CYP4F3: variants seen among roughly 807,000 people sequenced by gnomAD.
CYP4F3 encodes the protein cytochrome P450 4F3.
CYP4F3 carries 50 observed loss-of-function variants against 54.8 expected under a neutral mutation model. The ratio of observed to expected loss-of-function variants is 0.91; its 90% CI spans 0.73 to 1.16. The LOEUF is 1.16. Ranked by LOEUF, CYP4F3 falls within the 50% of genes most tolerant of loss-of-function variation. The pLI is 0.00. For synonymous variants in CYP4F3, 244 were observed against 262.6 expected, an observed-to-expected ratio of 0.93 and a Z score of 0.69; for missense variants, 715 against 676.2, an observed-to-expected ratio of 1.06 and a Z score of -0.64.
At chr19:15,641,130 C>T (rs1040659445) in intron 1 of CYP4F3, among the ~76,000 whole-genome samples, 185 bp downstream of exon 1, 34 of 152,188 alleles carry the variant, frequency 2.2e-4, no homozygotes, top group Admixed American at 3.9e-4. Flanking sequence ...GAAACCAAGC[C>T]CCTGGCAACG....
chr19:15,652,012 A>T (rs897779972), intron 7 of CYP4F3, among the ~76,000 whole-genome samples: 6 of 152,036 alleles, frequency 3.9e-5, no homozygotes, highest in Non-Finnish European at 1.5e-5. Flanking sequence ...CAGACTTTGT[A>T]CCCTAGGAAA....
At chr19:15,649,107 G>C (rs1972709560) in intron 5 of CYP4F3, 53 bp from the exon 6 acceptor site, 3 of 1,606,678 alleles carry the variant, frequency 1.9e-6, no homozygotes, top group Non-Finnish European at 2.6e-6. Flanking sequence ...GGGTTGGAGA[G>C]CTGCTCAAGG....
rs574486380 is a variant in CYP4F3, at chr19:15,660,409, A to T, written c.*1024A>T. The T allele has an allele frequency of 3.3e-5, 5 of 152,104 alleles. No homozygotes were observed. The highest frequency in any genetic ancestry group is 6.5e-5 in the Admixed American group (1 of 15,272). The allele number at this position is 152,104 out of a possible 1,614,324, so 9.4% of individuals were successfully genotyped here. A position where few individuals can be genotyped will look rare whatever the true frequency, so the allele number is the denominator to read the frequency against. On this transcript the variant is annotated 3_prime_UTR_variant, in exon 13 of 13. Transcript: ENST00000221307. The stretch of plus-strand genomic sequence containing the variant: ...TTTCTAGAACAGGCATGCCCTGCAA[A>T]CTCCACAGACACTGACTGTTTTTGT...
chr19:15,641,422 C>T lies in CYP4F3; in HGVS notation c.7C>T (p.Gln3Ter), dbSNP rs957929768. The change falls in exon 2 of 13, where the codon CAG (glutamine) becomes TAG (stop). Residue 3 changes from glutamine to a stop codon, truncating the protein, a stop_gained. Transcript: ENST00000221307. LOFTEE classifies it high-confidence loss of function. MP[Q>*]LSLSSLGLWP... ...ACCCCATCTGCCCTGCAGGATGCCA[C>T]AGCTGAGCCTGTCCTCGCTGGGCCT... 4 of 1,614,060 alleles carry T rather than the reference C, an allele frequency of 2.5e-6. No homozygotes were observed. The highest frequency in any genetic ancestry group is 3.4e-6 in the Non-Finnish European group (4 of 1,180,040).
Position 15,652,621 on chromosome 19 carries a change from C to A in CYP4F3, c.971C>A (p.Thr324Asn), listed in dbSNP as rs775696171. 8.1e-6 allele frequency: 13 copies of A among 1,614,090 alleles called. No individual in the cohort carries two copies. Among genetic ancestry groups the A allele is most frequent in the Non-Finnish European group, 1.1e-5 (13 of 1,179,996 alleles). ...GAGGACATAAGAGCAGAAGCTGACA[C>A]CTTTATGTTTGAGGGTGAGGGCCCC... ...SDEDIRAEAD[T>N]FMFEGHDTTA... Residue 324 changes from threonine to asparagine, a missense_variant, in exon 8 of 13, where the codon ACC (threonine) becomes AAC (asparagine). Thr to Asn is a moderately conservative substitution (Grantham distance 65). Coordinates refer to ENST00000221307, the MANE Select transcript of CYP4F3 (RefSeq NM_000896.3).
rs576759642 is a variant in CYP4F3 at position 15,647,109 on chromosome 19, A to G, written c.397+4A>G. Reference sequence around the variant, plus strand: ...AGCTTCCTGAAGCCCTGGCTGGGTGAGTATCTGTAGGTGAACAGGGTTGGG... The same window carrying G: ...AGCTTCCTGAAGCCCTGGCTGGGTGGGTATCTGTAGGTGAACAGGGTTGGG... On this transcript the variant is annotated splice_donor_region_variant and intron_variant, in intron 4 of 12. Coordinates refer to ENST00000221307, the MANE Select transcript of CYP4F3 (RefSeq NM_000896.3). The G allele has an allele frequency of 3.7e-6, 6 of 1,614,152 alleles. No individual in the cohort carries two copies. The highest frequency in any genetic ancestry group is 5.1e-6 in the Non-Finnish European group (6 of 1,180,008).
chr19:15,652,723 C>G (rs1972893874), intron 8 of CYP4F3, 88 bp downstream of exon 8: 2 of 1,608,094 alleles, frequency 1.2e-6, no homozygotes, highest in South Asian at 2.2e-5. Flanking sequence ...CTTCCCATCC[C>G]CCTTCCCCCA....
intron 7 of CYP4F3, among the ~76,000 whole-genome samples, chr19:15,650,819 T>TCTCTC (rs1415895837): frequency 1.6e-5 from 1 of 62,862 alleles, no homozygotes. Flanking sequence ...TCTTTCTTTC[T>TCTCTC]TTCTTTCTTT....
In CYP4F3 at chr19:15,641,592, G is replaced by T. The variant is rs1972466404; in HGVS notation, c.177G>T (p.Trp59Cys). ...RCFPQPPKRN[W>C]FLGHLGLIHS... ...TCCCGCAACCCCCGAAACGGAATTG[G>T]TTCTTGGGTCACCTGGGCCTGGTGA... Residue 59 changes from tryptophan to cysteine, a missense_variant, in exon 2 of 13, where the codon TGG becomes TGT. Trp to Cys is a radical substitution (Grantham distance 215). Coordinates refer to ENST00000221307, the MANE Select transcript of CYP4F3 (RefSeq NM_000896.3). The T allele has an allele frequency of 1.2e-6, 2 of 1,609,588 alleles. No individual in the cohort carries two copies. Among genetic ancestry groups the T allele is most frequent in the Non-Finnish European group, 1.7e-6 (2 of 1,177,464 alleles).
rs1973100182 is a variant in CYP4F3 at position 15,658,661 on chromosome 19, A to G, written c.1315-66A>G. 3.7e-6 allele frequency: 6 copies of G among 1,609,556 alleles called. No homozygotes were observed. In the South Asian group the frequency reaches 4.4e-5, roughly 12 times the overall value. On this transcript the variant is annotated intron_variant, in intron 11 of 12. Coordinates refer to ENST00000221307, the MANE Select transcript of CYP4F3 (RefSeq NM_000896.3). ...ATCACCTCCCTCCAAGACACACACCACTGTCTCTCCAAGGCTGGCGGACTG... is the reference window on the plus strand; with the variant it reads ...ATCACCTCCCTCCAAGACACACACCGCTGTCTCTCCAAGGCTGGCGGACTG...
chr19:15,642,148 T>C (rs1006293427), intron 2 of CYP4F3, among the ~76,000 whole-genome samples: 1 of 152,066 alleles, frequency 6.6e-6, no homozygotes, highest in Non-Finnish European at 1.5e-5. Flanking sequence ...GCCACTCACT[T>C]CCCCTTTCAG....
At position 15,658,493 on chromosome 19, in the gene CYP4F3, A is replaced by C. The variant is rs1057368717; in HGVS notation, c.1252A>C (p.Ile418Leu). Residue 418 changes from isoleucine to leucine, a missense_variant and splice_region_variant, in exon 11 of 13, where the codon ATT (isoleucine) becomes CTT (leucine). Physicochemically the swap from Ile to Leu is conservative, Grantham distance 5. Transcript: ENST00000221307. ...GACTGCCCCCTTCTCTCCCACAGGC[A>C]TTATCTGCCTCATCAGTGTTTTTGG... ...LPDGRVIPKG[I>L]ICLISVFGTH... 2.5e-6 allele frequency: 4 copies of C among 1,614,154 alleles called. No individual in the cohort carries two copies. Among genetic ancestry groups the C allele is most frequent in the Non-Finnish European group, 3.4e-6 (4 of 1,180,022 alleles).
chr19:15,649,977 C>G lies in CYP4F3; in HGVS notation c.712C>G (p.Gln238Glu), dbSNP rs765325188. The part of the protein sequence containing the change: ...LSALVTKRHQ[Q>E]ILLYIDFLYY... ...TGCCCTTGTGACAAAAAGACACCAG[C>G]AGATCCTCCTGTACATAGACTTCCT... is the stretch of plus-strand genomic sequence containing the variant. The change falls in exon 7 of 13, where the codon CAG becomes GAG. Residue 238 changes from glutamine (Q) to glutamate (E), a missense_variant. Coordinates refer to ENST00000221307, the MANE Select transcript of CYP4F3 (RefSeq NM_000896.3). 41 of 1,614,078 alleles carry G rather than the reference C, an allele frequency of 2.5e-5. No individual in the cohort carries two copies. Among genetic ancestry groups the G allele is most frequent in the African/African-American group, 4.0e-5 (3 of 74,912 alleles).
intron 2 of CYP4F3, 133 bp from the exon 3 acceptor site, chr19:15,645,586 G>C (rs1972598686): frequency 8.4e-7 from 1 of 1,195,438 alleles, no homozygotes. Flanking sequence ...AAGCCCAGTG[G>C]GGGCTCAGCA....
chr19:15,653,962 A>T (rs893632965), intron 9 of CYP4F3, among the ~76,000 whole-genome samples: 6 of 146,190 alleles, frequency 4.1e-5, no homozygotes, highest in Non-Finnish European at 9.1e-5. Context: ...TTGAACAGGG[A>T]GGGACAAGTC....
rs760329875 is a variant in CYP4F3, at chr19:15,661,414, C to T, written c.*2029C>T. 1 of 152,192 alleles carries T rather than the reference C, an allele frequency of 6.6e-6. No individual in the cohort carries two copies. The highest frequency in any genetic ancestry group is 2.1e-4 in the South Asian group (1 of 4,826). The allele number at this position is 152,192 out of a possible 1,614,324, so 9.4% of individuals were successfully genotyped here. ...CTAGGTCCTCCAAATAATTAGCAGT[C>T]CTTCGTAGTGTCAGTTTTTGTTTCA... On this transcript the variant is annotated 3_prime_UTR_variant, in exon 13 of 13. Transcript: ENST00000221307.
Position 15,652,968 on chromosome 19 carries a change from G to T in CYP4F3, c.1115+16G>T. The T allele has an allele frequency of 6.3e-7, 1 of 1,592,626 alleles. No individual in the cohort carries two copies. The highest frequency in any genetic ancestry group is 8.5e-7 in the Non-Finnish European group (1 of 1,169,856). The stretch of plus-strand genomic sequence containing the variant: ...AGATTGAATGGTGAGTGCAGGTGCT[G>T]GTGCCCTGTTCCTGAGCCTGTCTCA... On this transcript the variant is annotated intron_variant, in intron 9 of 12. Transcript: ENST00000221307.
chr19:15,646,535 TC>T (rs1972630338), intron 3 of CYP4F3, among the ~76,000 whole-genome samples: 1 of 152,174 alleles, frequency 6.6e-6, no homozygotes, highest in Non-Finnish European at 1.5e-5. Context: ...GCTTTTAAGG[TC>T]ATGTTAGACC....
At chr19:15,659,005 T>C (rs1191267691) in intron 12 of CYP4F3, among the ~76,000 whole-genome samples, 196 bp downstream of exon 12, 8 of 146,948 alleles carry the variant, frequency 5.4e-5, no homozygotes, top group Non-Finnish European at 7.4e-5. Context: ...AGCTCAGAGC[T>C]CCCTCCTACC....
Sources: gnomAD v4.1 joint callset for allele counts (sites outside exome capture counted in the v4.1 genomes callset) on GRCh38, gnomAD v4.1.1 for gene constraint, MANE v1.5 for transcripts, NCBI Gene and HGNC (gene_info 2026-07-23, HGNC 2026-07-21) for gene names.